The following SLC9A4 variants were observed in gnomAD, a reference collection of about 807,000 sequenced individuals.
The protein encoded by SLC9A4 is sodium/hydrogen exchanger 4.
SLC9A4 carries 63 observed loss-of-function variants against 67.4 expected under a neutral mutation model. The observed-to-expected ratio is 0.93, with a 90% CI of 0.76 to 1.15. SLC9A4 has a LOEUF of 1.15. Among genes scored for constraint, SLC9A4 ranks in the 50% most tolerant of loss-of-function variants. The pLI is 0.00. For missense variants in SLC9A4, 1,089 were observed against 987.7 expected (o/e 1.10, Z -1.38); for synonymous variants, 393 against 367.2 (o/e 1.07, Z -0.80).
At chr2:102,491,970 C>T (rs146782542) in intron 2 of SLC9A4, among the ~76,000 whole-genome samples, 2 of 152,298 alleles carry the variant, frequency 1.3e-5, no homozygotes, top group East Asian at 3.9e-4. Context: ...GGCTACAGGC[C>T]CCATGCAAGT....
rs1329379913 is a variant in SLC9A4, at chr2:102,525,166, G to T, written c.1950+11G>T. 2.5e-6 allele frequency: 4 copies of T among 1,613,732 alleles called. No individual in the cohort carries two copies. Among genetic ancestry groups the T allele is most frequent in the Non-Finnish European group, 2.5e-6 (3 of 1,179,890 alleles). On this transcript the variant is annotated intron_variant, in intron 10 of 11. Transcript: ENST00000295269. ...CCCTGGGGAAAGCCGGTACATTGGG[G>T]CTGGGGACTGGGACATTCCTTCAGT...
Position 102,532,331 on chromosome 2 carries a change from T to C in SLC9A4, c.2040T>C (p.Asp680=). 6.2e-7 allele frequency: 1 copy of C among 1,609,498 alleles called. No individual in the cohort carries two copies. Among genetic ancestry groups the C allele is most frequent in the Non-Finnish European group, 8.5e-7 (1 of 1,177,208 alleles). Residue 680 remains aspartate (D), a splice_region_variant and synonymous_variant, in exon 12 of 12, where the codon GAT becomes GAC. Coordinates refer to ENST00000295269, the MANE Select transcript of SLC9A4 (RefSeq NM_001011552.4). ...GRDTRAAGFS[D]DDSSDPGSPS... is the part of the protein sequence containing the mutation. ...CTTCTTGCCATGATGTTTTCCTAGA[T>C]GATGACAGCAGTGATCCAGGATCCC...
chr2:102,475,795 A>G (rs144907983), intron 1 of SLC9A4, among the ~76,000 whole-genome samples: 423 of 152,306 alleles, frequency 2.8e-3, no homozygotes, highest in African/African-American at 9.5e-3. Flanking sequence ...TGTGCCAATT[A>G]CTGGGCTGGT....
chr2:102,497,972 TA>T (rs1490516797), intron 2 of SLC9A4, among the ~76,000 whole-genome samples: 1 of 152,200 alleles, frequency 6.6e-6, no homozygotes, highest in Non-Finnish European at 1.5e-5. Flanking sequence ...TGGCATCAGC[TA>T]AAGGATCATA....
chr2:102,490,753 A>C (rs1472536047), intron 2 of SLC9A4, among the ~76,000 whole-genome samples: 1 of 152,216 alleles, frequency 6.6e-6, no homozygotes, highest in Non-Finnish European at 1.5e-5. Flanking sequence ...AAAAGTTCAT[A>C]GATCTTTTAC....
At chr2:102,487,614 A>T (rs1369498054) in intron 2 of SLC9A4, among the ~76,000 whole-genome samples, 1 of 152,226 alleles carries the variant, frequency 6.6e-6, no homozygotes, top group African/African-American at 2.4e-5. Context: ...CTTCTGGCTA[A>T]ATAAACAGAA....
chr2:102,519,806 C>T (rs1685361423), intron 8 of SLC9A4, 53 bp from the exon 9 acceptor site: 2 of 1,571,858 alleles, frequency 1.3e-6, no homozygotes, highest in Non-Finnish European at 8.7e-7. Flanking sequence ...TTTTGTGGCA[C>T]CTCTTGCCAA....
At position 102,512,186 on chromosome 2, in the gene SLC9A4, T is replaced by C. The variant is rs1244683995; in HGVS notation, c.1489-17T>C. On this transcript the variant is annotated splice_polypyrimidine_tract_variant and intron_variant, in intron 6 of 11. Transcript: ENST00000295269. ...TCGCGTTTCTCCAGCAATCATTTTC[T>C]TGTGTTTGTTTGGCAGCTGATGGAT... is the stretch of plus-strand genomic sequence containing the variant. 2.5e-6 allele frequency: 4 copies of C among 1,613,836 alleles called. No homozygotes were observed. The highest frequency in any genetic ancestry group is 3.4e-6 in the Non-Finnish European group (4 of 1,179,886).
At chr2:102,499,789 C>T (rs1032680130) in intron 2 of SLC9A4, among the ~76,000 whole-genome samples, 4 of 152,222 alleles carry the variant, frequency 2.6e-5, no homozygotes, top group African/African-American at 4.8e-5. Flanking sequence ...TTACTTATTA[C>T]ATTGAACAGT....
At chr2:102,527,079 T>G (rs1674681025) in intron 11 of SLC9A4, among the ~76,000 whole-genome samples, 1 of 152,210 alleles carries the variant, frequency 6.6e-6, no homozygotes, top group Non-Finnish European at 1.5e-5. Flanking sequence ...ATGAAACTTT[T>G]TTTCTGATTT....
intron 9 of SLC9A4, 132 bp from the exon 10 acceptor site, chr2:102,524,892 G>T: frequency 9.5e-7 from 1 of 1,052,062 alleles, no homozygotes. Context: ...CGTAATCAAG[G>T]CAAATGCTTA....
Position 102,526,326 on chromosome 2 carries a change from C to T in SLC9A4, c.2018C>T (p.Thr673Ile), listed in dbSNP as rs138586177. 1.2e-3 allele frequency: 2,005 copies of T among 1,613,856 alleles called. 2 individuals are homozygous for T. The highest frequency in any genetic ancestry group is 1.6e-3 in the Non-Finnish European group (1,893 of 1,179,800). The change falls in exon 11 of 12, where the codon ACA (threonine) becomes ATA (isoleucine). Residue 673 changes from threonine (T) to isoleucine (I), a missense_variant. Transcript: ENST00000295269. ...AATCCTCAGTCTGCAGGAAGAGACA[C>T]AAGGGCTGCTGGGTTCTCAGGTAAG... ...YGNPQSAGRD[T>I]RAAGFSDDDS...
chr2:102,532,668 C>A lies in SLC9A4; in HGVS notation c.2377C>A (p.Pro793Thr). 1.2e-6 allele frequency: 2 copies of A among 1,612,184 alleles called. No homozygotes were observed. The highest frequency in any genetic ancestry group is 1.7e-6 in the Non-Finnish European group (2 of 1,179,060). The change falls in exon 12 of 12, where the codon CCT becomes ACT. Residue 793 changes from proline to threonine, a missense_variant. Coordinates refer to ENST00000295269, the MANE Select transcript of SLC9A4 (RefSeq NM_001011552.4). ...HGRDHHRSHS[P>T]LLQKK is the part of the protein sequence containing the mutation. ...CAGGGACCATCACAGGTCCCATAGT[C>A]CTTTGCTCCAAAAAAAATAGTGTTA... is the stretch of plus-strand genomic sequence containing the variant.
chr2:102,522,185 T>C (rs1442130003), intron 9 of SLC9A4, among the ~76,000 whole-genome samples: 2 of 152,210 alleles, frequency 1.3e-5, no homozygotes, highest in Non-Finnish European at 2.9e-5. Flanking sequence ...CACAGATTGA[T>C]GGGTGATTCC....
At chr2:102,489,602 T>A (rs76919037) in intron 2 of SLC9A4, among the ~76,000 whole-genome samples, 14,138 of 152,218 alleles carry the variant, frequency 0.093, 808 homozygotes, top group Middle Eastern at 0.17. Flanking sequence ...TTGATACACA[T>A]ACTTTTTTCT....
At chr2:102,520,997 T>C (rs1330371168) in intron 9 of SLC9A4, among the ~76,000 whole-genome samples, 1 of 152,224 alleles carries the variant, frequency 6.6e-6, no homozygotes, top group Non-Finnish European at 1.5e-5. Flanking sequence ...TCAGCACTAA[T>C]GGTAGTGCGC....
intron 11 of SLC9A4, 142 bp downstream of exon 11, chr2:102,526,488 T>C (rs1444607320): frequency 2.6e-5 from 17 of 658,586 alleles, no homozygotes; most frequent in Non-Finnish European, 1.2e-5. Flanking sequence ...ACTTCTTTTA[T>C]AGTTGAAACT....
intron 1 of SLC9A4, among the ~76,000 whole-genome samples, chr2:102,477,337 C>T (rs2104411529): frequency 6.6e-6 from 1 of 152,302 alleles, no homozygotes; most frequent in Non-Finnish European, 1.5e-5. Flanking sequence ...TTCTGTCACC[C>T]AAATATGCAA....
intron 2 of SLC9A4, among the ~76,000 whole-genome samples, chr2:102,492,037 C>A (rs1684713828): frequency 6.6e-6 from 1 of 152,240 alleles, no homozygotes; most frequent in Non-Finnish European, 1.5e-5. Flanking sequence ...CCTTTGATTC[C>A]ATGTCTCACA....
Sources: gnomAD v4.1 joint callset for allele counts (sites outside exome capture counted in the v4.1 genomes callset) on GRCh38, gnomAD v4.1.1 for gene constraint, MANE v1.5 for transcripts, NCBI Gene and HGNC (gene_info 2026-07-23, HGNC 2026-07-21) for gene names.